The following ABLIM1 variants were observed in gnomAD, a reference collection of about 807,000 sequenced individuals.
ABLIM1 encodes actin-binding LIM protein 1.
ABLIM1 carries 40 observed loss-of-function variants against 107.0 expected under a neutral mutation model. The ratio of observed to expected loss-of-function variants is 0.37; its 90% CI spans 0.29 to 0.49. The LOEUF (loss-of-function observed/expected upper bound fraction) is 0.49. Among genes scored for constraint, ABLIM1 ranks in the 20% least tolerant of loss-of-function variants. The pLI is 0.97. For synonymous variants in ABLIM1, 357 were observed against 357.3 expected (o/e 1.00, Z 0.01); for missense variants, 857 against 1,008.5 (o/e 0.85, Z 2.04).
chr10:114,679,483 A>G (rs369927672), intron 1 of ABLIM1, among the ~76,000 whole-genome samples: 4 of 151,956 alleles, frequency 2.6e-5, no homozygotes, highest in African/African-American at 9.7e-5. Context: ...AAAAATTACA[A>G]AATTAGCCGG....
intron 4 of ABLIM1, among the ~76,000 whole-genome samples, chr10:114,570,086 G>A (rs374728065): frequency 3.2e-4 from 48 of 152,210 alleles, no homozygotes; most frequent in African/African-American, 7.9e-4. Flanking sequence ...TCATCCTTAC[G>A]TATTAAGACT....
At chr10:114,642,693 GATATA>G (rs1335202059) in intron 1 of ABLIM1, among the ~76,000 whole-genome samples, 1 of 152,118 alleles carries the variant, frequency 6.6e-6, no homozygotes, top group African/African-American at 2.4e-5. Context: ...AAAGAGTATA[GATATA>G]ATATATTTTG....
intron 4 of ABLIM1, among the ~76,000 whole-genome samples, chr10:114,565,693 T>C (rs1322688346): frequency 6.6e-6 from 1 of 151,674 alleles, no homozygotes; most frequent in Non-Finnish European, 1.5e-5. Flanking sequence ...CTTGCATGTA[T>C]TAAAGGCTAC....
chr10:114,500,097 C>A (rs2060194711), intron 6 of ABLIM1, among the ~76,000 whole-genome samples: 1 of 152,196 alleles, frequency 6.6e-6, no homozygotes, highest in South Asian at 2.1e-4. Context: ...CAAGTCTGTG[C>A]AAAGCCAATC....
chr10:114,610,714 C>T (rs999151250), intron 1 of ABLIM1: 2 of 152,204 alleles, frequency 1.3e-5, no homozygotes, highest in African/African-American at 4.8e-5. Flanking sequence ...CCAAAATGAT[C>T]CTTCTCTTAA....
chr10:114,490,323 A>C (rs1302078981), intron 7 of ABLIM1, among the ~76,000 whole-genome samples: 1 of 152,218 alleles, frequency 6.6e-6, no homozygotes, highest in Non-Finnish European at 1.5e-5. Flanking sequence ...AAAGCCAAAA[A>C]GAAGTTTGGG....
chr10:114,665,005 C>T (rs540931668), intron 1 of ABLIM1, among the ~76,000 whole-genome samples: 7 of 151,926 alleles, frequency 4.6e-5, no homozygotes, highest in Middle Eastern at 3.4e-3. Context: ...GTAGTCCCAG[C>T]TATTCGGGAG....
chr10:114,645,288 A>C (rs2497695), intron 1 of ABLIM1, among the ~76,000 whole-genome samples: 3,233 of 152,196 alleles, frequency 0.021, 102 homozygotes, highest in African/African-American at 0.074. Context: ...CTTGGCTGGG[A>C]TATCTCTGCA....
chr10:114,479,112 G>C (rs1194460430), intron 8 of ABLIM1, among the ~76,000 whole-genome samples: 1 of 151,944 alleles, frequency 6.6e-6, no homozygotes, highest in African/African-American at 2.4e-5. Flanking sequence ...ACTTCCTTGA[G>C]CTTCAACTTC....
At chr10:114,717,312 G>A (rs1005458019) in intron 1 of ABLIM1, among the ~76,000 whole-genome samples, 5 of 152,176 alleles carry the variant, frequency 3.3e-5, no homozygotes, top group African/African-American at 9.7e-5. Context: ...ATTACTTGTG[G>A]TCATTCCTGT....
chr10:114,516,607 A>T (rs757437750), intron 6 of ABLIM1, among the ~76,000 whole-genome samples: 8 of 152,362 alleles, frequency 5.3e-5, no homozygotes, highest in Non-Finnish European at 1.2e-4. Flanking sequence ...TAAAGAAACT[A>T]TTGAAAACAG....
At chr10:114,575,278 A>T in intron 3 of ABLIM1, 138 bp downstream of exon 3, 2 of 918,242 alleles carry the variant, frequency 2.2e-6, no homozygotes, top group Non-Finnish European at 3.3e-6. Context: ...TAGGACTGAT[A>T]GTACAGTAAG....
intron 1 of ABLIM1, among the ~76,000 whole-genome samples, chr10:114,650,403 C>T (rs1203791129): frequency 6.6e-6 from 1 of 152,170 alleles, no homozygotes; most frequent in African/African-American, 2.4e-5. Flanking sequence ...CTTAAACAGA[C>T]TGCTTTACCC....
intron 1 of ABLIM1, among the ~76,000 whole-genome samples, chr10:114,761,983 GCTCTCTCT>G (rs144008972): frequency 2.1e-5 from 3 of 145,716 alleles, no homozygotes; most frequent in South Asian, 2.2e-4. Flanking sequence ...TATCCCATAT[GCTCTCTCT>G]CTCTCTCTCT....
At chr10:114,578,517 C>T (rs1352918465) in intron 2 of ABLIM1, among the ~76,000 whole-genome samples, 4 of 151,938 alleles carry the variant, frequency 2.6e-5, no homozygotes, top group African/African-American at 9.7e-5. Context: ...AGCGATTCTC[C>T]TGCCTCAGCC....
At chr10:114,563,610 C>T (rs371362091) in intron 4 of ABLIM1, among the ~76,000 whole-genome samples, 5 of 151,512 alleles carry the variant, frequency 3.3e-5, no homozygotes, top group East Asian at 3.9e-4. Context: ...TGAGGTGGGT[C>T]GATCATTTGA....
rs371563425 is a variant in ABLIM1, at chr10:114,468,205, A to G, written c.1287T>C (p.Thr429=). The G allele has an allele frequency of 6.2e-7, 1 of 1,612,852 alleles. No homozygotes were observed. The highest frequency in any genetic ancestry group is 1.3e-5 in the African/African-American group (1 of 75,052). ...ERQSLGESPR[T]LSPTPSAEGY... is the part of the protein sequence containing the mutation. Reference sequence around the variant, plus strand: ...CTTCTGCTGATGGAGTAGGAGACAAAGTCCTCGGAGACTAGAAAAATAAAA... The same window carrying G: ...CTTCTGCTGATGGAGTAGGAGACAAGGTCCTCGGAGACTAGAAAAATAAAA... Residue 429 remains threonine, a synonymous_variant, in exon 11 of 23, where the codon ACT becomes ACC. Coordinates refer to ENST00000533213, the MANE Select transcript of ABLIM1 (RefSeq NM_002313.7).
chr10:114,622,937 A>C (rs943162199), intron 1 of ABLIM1, among the ~76,000 whole-genome samples: 1 of 152,224 alleles, frequency 6.6e-6, no homozygotes, highest in African/African-American at 2.4e-5. Context: ...TTTGTGAGCC[A>C]AGATAGCTGA....
At chr10:114,513,352 C>G (rs1256741839) in intron 6 of ABLIM1, among the ~76,000 whole-genome samples, 1 of 152,080 alleles carries the variant, frequency 6.6e-6, no homozygotes, top group Non-Finnish European at 1.5e-5. Context: ...TATAATGGCT[C>G]AGAACAGGAA....
Sources: allele counts gnomAD v4.1 joint callset (sites outside exome capture counted in the v4.1 genomes callset), GRCh38; gene constraint gnomAD v4.1.1; transcripts MANE v1.5; gene names NCBI Gene and HGNC (gene_info 2026-07-23, HGNC 2026-07-21).